ZNF880: variants seen among roughly 807,000 people sequenced by gnomAD.
ZNF880 encodes the protein zinc finger protein 880, also known as zinc finger protein LOC400713.
In ZNF880, 12 loss-of-function variants were observed where a neutral mutation model predicts 11.8. That is an observed-to-expected ratio of 1.02 (90% CI 0.65 to 1.65). The LOEUF (loss-of-function observed/expected upper bound fraction) is 1.65, where lower values mean the gene tolerates loss of function less well. ZNF880 is among the 40% of genes most tolerant of loss of function. The pLI is 0.00. For missense variants in ZNF880, 601 were observed against 673.9 expected, an observed-to-expected ratio of 0.89 and a Z score of 1.20; for synonymous variants, 210 against 232.4, an observed-to-expected ratio of 0.90 and a Z score of 0.88.
chr19:52,384,901 T>A lies in ZNF880; in HGVS notation c.1321T>A (p.Cys441Ser). Residue 441 changes from cysteine (C) to serine (S), a missense_variant, in exon 4 of 4, where the codon TGT becomes AGT. This residue lies in a region of ZNF880 where 177 missense variants were observed against 214.5 expected (regional missense o/e 0.83). Transcript: ENST00000422689. ...AGAGAAACCTTACAAATGTAAAGAA[T>A]GTGCCAAGGTCTTCAGGCATAGATT... ...TGEKPYKCKE[C>S]AKVFRHRLSL... The A allele has an allele frequency of 6.2e-7, 1 of 1,608,084 alleles. No individual in the cohort carries two copies. Among genetic ancestry groups the A allele is most frequent in the Non-Finnish European group, 8.5e-7 (1 of 1,176,950 alleles).
upstream of ZNF880, chr19:52,367,137 T>G (rs765138335): frequency 2.4e-4 from 43 of 179,136 alleles, no homozygotes; most frequent in Middle Eastern, 5.1e-3. Flanking sequence ...TTTTCTTTTT[T>G]TTTTGAGACG....
intron 2 of ZNF880, 32 bp downstream of exon 2, chr19:52,373,269 C>T: frequency 6.3e-7 from 1 of 1,595,138 alleles, no homozygotes; most frequent in Non-Finnish European, 8.5e-7. Context: ...AAGTCAAGAT[C>T]TGCCCTGGTG....
rs753933479 is a variant in ZNF880 at position 52,384,308 on chromosome 19, A to T, written c.728A>T (p.His243Leu). The T allele has an allele frequency of 1.2e-6, 2 of 1,613,794 alleles. No individual in the cohort carries two copies. Among genetic ancestry groups the T allele is most frequent in the African/African-American group, 2.7e-5 (2 of 74,952 alleles). ...ACTGGAGAGAAGCCTTACAAGTGTC[A>T]TGAATGTGGCAAGCTCTTCAATCGA... The part of the protein sequence containing the change: ...IHTGEKPYKC[H>L]ECGKLFNRIS... Residue 243 changes from histidine to leucine, a missense_variant, in exon 4 of 4, where the codon CAT becomes CTT. Transcript: ENST00000422689.
At chr19:52,382,083 G>A (rs771727335) in intron 3 of ZNF880, among the ~76,000 whole-genome samples, 25 of 152,058 alleles carry the variant, frequency 1.6e-4, no homozygotes, top group Non-Finnish European at 2.2e-4. Context: ...AGACCAGCCT[G>A]GCTGACATGG....
chr19:52,372,780 G>A (rs1348891422), intron 1 of ZNF880, among the ~76,000 whole-genome samples: 4 of 150,286 alleles, frequency 2.7e-5, no homozygotes, highest in Non-Finnish European at 5.9e-5. Flanking sequence ...CGTGGTGGCG[G>A]GCGCCTGTAG....
chr19:52,371,787 G>T (rs1256098392), intron 1 of ZNF880, among the ~76,000 whole-genome samples: 1 of 152,180 alleles, frequency 6.6e-6, no homozygotes. Flanking sequence ...AGAAAGAGTT[G>T]TCTCTTCAAT....
rs527372571 is a variant in ZNF880 at position 52,370,486 on chromosome 19, G to C, written c.12+509G>C. The stretch of plus-strand genomic sequence containing the variant: ...TAGTGCAAAAGTAATGGCAAACCGC[G>C]ATCACTTTTGCACCAACCTAATATT... On this transcript the variant is annotated intron_variant, in intron 1 of 3. Transcript: ENST00000422689. 377 of 157,940 alleles carry C rather than the reference G, an allele frequency of 2.4e-3. 1 individual carries two copies. Among genetic ancestry groups the C allele is most frequent in the Non-Finnish European group, 4.5e-3 (316 of 70,842 alleles). The allele number at this position is 157,940 out of a possible 1,614,324, so 9.8% of individuals were successfully genotyped here.
At chr19:52,391,849 A>G in the ZNF880 span, among the ~76,000 whole-genome samples, 57 of 149,910 alleles carry the variant, frequency 3.8e-4, no homozygotes, top group African/African-American at 5.8e-4. Context: ...GTGTGAGTGT[A>G]TAAGATAGGA....
chr19:52,384,327 C>T lies in ZNF880; in HGVS notation c.747C>T (p.Phe249=). The T allele has an allele frequency of 6.2e-7, 1 of 1,613,548 alleles. No homozygotes were observed. Among genetic ancestry groups the T allele is most frequent in the Non-Finnish European group, 8.5e-7 (1 of 1,179,608 alleles). Residue 249 remains phenylalanine (F), a synonymous_variant, in exon 4 of 4, where the codon TTC becomes TTT. Transcript: ENST00000422689. The part of the protein sequence containing the change: ...PYKCHECGKL[F]NRISLLARHQ... Reference sequence around the variant, plus strand: ...AGTGTCATGAATGTGGCAAGCTCTTCAATCGAATTTCACTCCTTGCACGAC... The same window carrying T: ...AGTGTCATGAATGTGGCAAGCTCTTTAATCGAATTTCACTCCTTGCACGAC...
intron 3 of ZNF880, among the ~76,000 whole-genome samples, chr19:52,376,001 C>A (rs553145214): frequency 6.6e-6 from 1 of 152,152 alleles, no homozygotes; most frequent in African/African-American, 2.4e-5. Context: ...GCCATTATTT[C>A]GTTCCATTTT....
chr19:52,395,746 T>C, the ZNF880 span: 14 of 152,350 alleles, frequency 9.2e-5, no homozygotes, highest in East Asian at 2.3e-3. Context: ...GCATGGCACG[T>C]TGGCCTAAAG....
chr19:52,374,157 C>T, intron 2 of ZNF880, 142 bp from the exon 3 acceptor site: 1 of 613,404 alleles, frequency 1.6e-6, no homozygotes, highest in Non-Finnish European at 2.7e-6. Context: ...GCTTCGCCTC[C>T]CAGGTTCACG....
chr19:52,371,911 T>C (rs995479767), intron 1 of ZNF880, among the ~76,000 whole-genome samples: 1 of 151,946 alleles, frequency 6.6e-6, no homozygotes, highest in Non-Finnish European at 1.5e-5. Context: ...TCATCCTGGC[T>C]GGGTGAGGTA....
At chr19:52,374,810 C>T (rs891414648) in intron 3 of ZNF880, 85 of 449,840 alleles carry the variant, frequency 1.9e-4, no homozygotes, top group Non-Finnish European at 2.9e-4. Context: ...GATCGTAGCC[C>T]GTGTACCCTC....
chr19:52,383,969 G>A lies in ZNF880; in HGVS notation c.389G>A (p.Gly130Glu). 1 of 1,552,436 alleles carries A rather than the reference G, an allele frequency of 6.4e-7. No individual in the cohort carries two copies. Among genetic ancestry groups the A allele is most frequent in the African/African-American group, 1.4e-5 (1 of 72,878 alleles). ...TTTCAAGCTGAAAGGAATATTTCTGGATGTAAACATGTCGAAAAACCTATC... is the reference window on the plus strand; with the variant it reads ...TTTCAAGCTGAAAGGAATATTTCTGAATGTAAACATGTCGAAAAACCTATC... ...QLFQAERNIS[G>E]CKHVEKPINN... The change falls in exon 4 of 4, where the codon GGA (glycine) becomes GAA (glutamate). Residue 130 changes from glycine to glutamate, a missense_variant. By Grantham distance (98) the Gly-to-Glu change is moderately conservative (BLOSUM62 -2). Around this residue, in one of 3 missense-constraint regions of ZNF880, gnomAD observed 420 missense variants for 442.6 expected, o/e 0.95. Coordinates refer to ENST00000422689, the MANE Select transcript of ZNF880 (RefSeq NM_001145434.2).
At chr19:52,382,102 C>G (rs4802927) in intron 3 of ZNF880, among the ~76,000 whole-genome samples, 1 of 151,798 alleles carries the variant, frequency 6.6e-6, no homozygotes, top group African/African-American at 2.4e-5. Context: ...GGCGAAACCC[C>G]GTCTCTACTA....
chr19:52,392,258 ACTTT>A, the ZNF880 span, among the ~76,000 whole-genome samples: 3 of 150,736 alleles, frequency 2.0e-5, no homozygotes, highest in Admixed American at 6.6e-5. Context: ...CCATGGACTG[ACTTT>A]CTTTCTCTTT....
rs1986817433 is a variant in ZNF880, at chr19:52,384,690, T to C, written c.1110T>C (p.His370=). 1 of 1,612,992 alleles carries C rather than the reference T, an allele frequency of 6.2e-7. No homozygotes were observed. The highest frequency in any genetic ancestry group is 8.5e-7 in the Non-Finnish European group (1 of 1,179,850). Residue 370 remains histidine, a synonymous_variant, in exon 4 of 4, where the codon CAT becomes CAC. Coordinates refer to ENST00000422689, the MANE Select transcript of ZNF880 (RefSeq NM_001145434.2). Reference sequence around the variant, plus strand: ...ATCGAAATGCACACCTTACCAGACATCAAAGAATCCATACTGGAGAGAAAC... The same window carrying C: ...ATCGAAATGCACACCTTACCAGACACCAAAGAATCCATACTGGAGAGAAAC... ...VFNRNAHLTR[H]QRIHTGEKPY... is the part of the protein sequence containing the mutation.
rs776643442 is a variant in ZNF880 at position 52,379,464 on chromosome 19, C to T, written c.269-4385C>T. ...AGGCTGGAGTGCAATGCCGCGATCTCGGCTCACTGCAACCTTCGCTTCCTG... is the reference window on the plus strand; with the variant it reads ...AGGCTGGAGTGCAATGCCGCGATCTTGGCTCACTGCAACCTTCGCTTCCTG... On this transcript the variant is annotated intron_variant, in intron 3 of 3. Coordinates refer to ENST00000422689, the MANE Select transcript of ZNF880 (RefSeq NM_001145434.2). 7.6e-5 allele frequency: 34 copies of T among 446,152 alleles called. No individual in the cohort carries two copies. The Middle Eastern group carries it at 3.8e-3, about 49-fold the overall frequency. 27.6% of individuals were successfully genotyped at this position (446,152 alleles called of 1,614,324 possible). A position where few individuals can be genotyped will look rare whatever the true frequency, so the allele number is the denominator to read the frequency against.
Sources: allele counts gnomAD v4.1 joint callset (sites outside exome capture counted in the v4.1 genomes callset), GRCh38; gene constraint gnomAD v4.1.1; regional missense constraint gnomAD v4.1.1; transcripts MANE v1.5; gene names NCBI Gene and HGNC (gene_info 2026-07-23, HGNC 2026-07-21).